Variants in TRIL observed in about 807,000 individuals in gnomAD.
TRIL encodes the protein TLR4 interactor with leucine rich repeats.
TRIL carries 23 observed loss-of-function variants against 43.0 expected under a neutral mutation model. The ratio of observed to expected loss-of-function variants is 0.54; its 90% CI spans 0.39 to 0.76. TRIL has a LOEUF of 0.76. TRIL is among the 30% of genes least tolerant of loss of function. The pLI is 0.00. For synonymous variants in TRIL, 602 were observed against 556.8 expected (o/e 1.08, Z -1.14); for missense variants, 1,114 against 1,139.3 (o/e 0.98, Z 0.32).
rs759808765 is a variant in TRIL, at chr7:28,956,837, G to C, written c.1210C>G (p.Leu404Val). 1.9e-6 allele frequency: 3 copies of C among 1,609,032 alleles called. No individual in the cohort carries two copies. The East Asian group carries it at 6.7e-5, about 36-fold the overall frequency. Reference protein sequence around the residue: ...PALRGKYLDYLDDQQLQNGSC... With the variant: ...PALRGKYLDYVDDQQLQNGSC... ...CCATTTTGCAGCTGCTGGTCATCCA[G>C]GTAATCCAGGTATTTGCCTCGCAGG... is the stretch of plus-strand genomic sequence containing the variant. The change falls in exon 1 of 1, where the codon CTG becomes GTG. Residue 404 changes from leucine to valine, a missense_variant. Physicochemically the swap from Leu to Val is conservative, Grantham distance 32. Coordinates refer to ENST00000539664, the MANE Select transcript of TRIL (RefSeq NM_014817.4).
At position 28,956,880 on chromosome 7, in the gene TRIL, C is replaced by G; in HGVS notation, c.1167G>C (p.Gln389His). 6.2e-7 allele frequency: 1 copy of G among 1,609,220 alleles called. No individual in the cohort carries two copies. The highest frequency in any genetic ancestry group is 1.1e-5 in the South Asian group (1 of 90,840). ...CTCGCAGGGCCGGGGGGTGGCGACA[C>G]TGCACGAAGACAGTGAGGAGCCGGC... ...SQGRLLTVFV[Q>H]CRHPPALRGK... is the part of the protein sequence containing the mutation. Residue 389 changes from glutamine (Q) to histidine (H), a missense_variant, in exon 1 of 1, where the codon CAG (glutamine) becomes CAC (histidine). Physicochemically the swap from Gln to His is conservative, Grantham distance 24. Transcript: ENST00000539664.
In TRIL at chr7:28,958,269, C is replaced by T. The variant is rs1783442824; in HGVS notation, c.-223G>A. 7.3e-6 allele frequency: 4 copies of T among 549,802 alleles called. No homozygotes were observed. The Admixed American group carries it at 1.2e-4, about 16-fold the overall frequency. 34.1% of individuals were successfully genotyped at this position (549,802 alleles called of 1,614,324 possible). A position where few individuals can be genotyped will look rare whatever the true frequency, so the allele number is the denominator to read the frequency against. The stretch of plus-strand genomic sequence containing the variant: ...GCGGCGCGGGGCGCTCTGCAGACCC[C>T]GGGTACTACTTGTTGCATTTCTGTA... On this transcript the variant is annotated 5_prime_UTR_variant, in exon 1 of 1. Transcript: ENST00000539664.
chr7:28,958,299 A>C lies in TRIL; in HGVS notation c.-253T>G. 2.2e-6 allele frequency: 1 copy of C among 455,880 alleles called. No individual in the cohort carries two copies. Among genetic ancestry groups the C allele is most frequent in the Non-Finnish European group, 3.9e-6 (1 of 257,280 alleles). The allele number at this position is 455,880 out of a possible 1,614,324, so 28.2% of individuals were successfully genotyped here. A position where few individuals can be genotyped will look rare whatever the true frequency, so the allele number is the denominator to read the frequency against. On this transcript the variant is annotated 5_prime_UTR_variant, in exon 1 of 1. Transcript: ENST00000539664. ...ACTACTTGTTGCATTTCTGTATAAA[A>C]CTGTTTCTCCGGGTGCGCGTCGGCG...
Position 28,955,606 on chromosome 7 carries a change from T to C in TRIL, c.*5A>G. 5 of 1,532,566 alleles carry C rather than the reference T, an allele frequency of 3.3e-6. No individual in the cohort carries two copies. The highest frequency in any genetic ancestry group is 1.4e-5 in the African/African-American group (1 of 73,070). The allele number at this position is 1,532,566 out of a possible 1,614,324, so 94.9% of individuals were successfully genotyped here. A position where few individuals can be genotyped will look rare whatever the true frequency, so the allele number is the denominator to read the frequency against. ...CCAATGAGATGGTCTCTATATGCCC[T>C]GGACCTAGTCGGCAAATCGCTGCAG... On this transcript the variant is annotated 3_prime_UTR_variant, in exon 1 of 1. Transcript: ENST00000539664.
chr7:28,956,801 C>G lies in TRIL; in HGVS notation c.1246G>C (p.Asp416His), dbSNP rs1309340422. Residue 416 changes from aspartate (D) to histidine (H), a missense_variant, in exon 1 of 1, where the codon GAT becomes CAT. By Grantham distance (81) the Asp-to-His change is moderately conservative (BLOSUM62 -1). Coordinates refer to ENST00000539664, the MANE Select transcript of TRIL (RefSeq NM_014817.4). ...DQQLQNGSCA[D>H]PSPSASLTAD... The stretch of plus-strand genomic sequence containing the variant: ...GTCAGGGAAGCTGAGGGCGAGGGAT[C>G]CGCGCAGGATCCATTTTGCAGCTGC... 2 of 1,611,690 alleles carry G rather than the reference C, an allele frequency of 1.2e-6. No individual in the cohort carries two copies. Among genetic ancestry groups the G allele is most frequent in the Admixed American group, 1.7e-5 (1 of 59,912 alleles).
Position 28,955,012 on chromosome 7 carries a change from T to C in TRIL, c.*599A>G, listed in dbSNP as rs1783374776. On this transcript the variant is annotated 3_prime_UTR_variant, in exon 1 of 1. Transcript: ENST00000539664. ...TTAAATGTCAGAGCTTTTCACATTTTTGAAAAAAAAAAATGCGTCTCTTAT... is the reference window on the plus strand; with the variant it reads ...TTAAATGTCAGAGCTTTTCACATTTCTGAAAAAAAAAAATGCGTCTCTTAT... The C allele has an allele frequency of 1.9e-5, 2 of 103,620 alleles. No individual in the cohort carries two copies. Among genetic ancestry groups the C allele is most frequent in the South Asian group, 6.8e-4 (2 of 2,952 alleles). 6.4% of individuals were successfully genotyped at this position (103,620 alleles called of 1,614,324 possible). A position where few individuals can be genotyped will look rare whatever the true frequency, so the allele number is the denominator to read the frequency against.
Position 28,957,750 on chromosome 7 carries a change from G to C in TRIL, c.297C>G (p.His99Gln). The change falls in exon 1 of 1, where the codon CAC becomes CAG. Residue 99 changes from histidine to glutamine, a missense_variant. Coordinates refer to ENST00000539664, the MANE Select transcript of TRIL (RefSeq NM_014817.4). ...GCGAGAGCTTCTCGAAGGTCTTGGG[G>C]TGCAGAGAGCGGATCTGGTTGTACT... ...DLQYNQIRSL[H>Q]PKTFEKLSRL... 1.9e-6 allele frequency: 3 copies of C among 1,613,866 alleles called. No homozygotes were observed. The highest frequency in any genetic ancestry group is 2.5e-6 in the Non-Finnish European group (3 of 1,179,808).
chr7:28,957,247 T>C lies in TRIL; in HGVS notation c.800A>G (p.His267Arg), dbSNP rs1583885956. The C allele has an allele frequency of 3.7e-6, 6 of 1,607,406 alleles. No homozygotes were observed. The Admixed American group carries it at 6.7e-5, about 18-fold the overall frequency. ...LLSLRGNQLT[H>R]LAPEAFWGLE... ...GCCCCAAAAGGCCTCAGGCGCGAGG[T>C]GCGTGAGCTGGTTGCCCCTGAGCGA... is the stretch of plus-strand genomic sequence containing the variant. The change falls in exon 1 of 1, where the codon CAC (histidine) becomes CGC (arginine). Residue 267 changes from histidine (H) to arginine (R), a missense_variant. Transcript: ENST00000539664.
chr7:28,957,623 C>T lies in TRIL; in HGVS notation c.424G>A (p.Glu142Lys), dbSNP rs746364113. The stretch of plus-strand genomic sequence containing the variant: ...GAGCCGCGGCTTAGGCGGCTGATCT[C>T]GTTCCCGTTGGCGTAGAGGATGCGC... ...KLRILYANGNEISRLSRGSFE... is the reference protein window; with the variant it reads ...KLRILYANGNKISRLSRGSFE... Residue 142 changes from glutamate (E) to lysine (K), a missense_variant, in exon 1 of 1, where the codon GAG becomes AAG. Glu to Lys is a moderately conservative substitution (Grantham distance 56). Transcript: ENST00000539664. 1 of 1,611,102 alleles carries T rather than the reference C, an allele frequency of 6.2e-7. No individual in the cohort carries two copies. Among genetic ancestry groups the T allele is most frequent in the Admixed American group, 1.7e-5 (1 of 59,566 alleles).
chr7:28,956,516 G>T lies in TRIL; in HGVS notation c.1531C>A (p.Leu511Met). 1 of 1,574,550 alleles carries T rather than the reference G, an allele frequency of 6.4e-7. No homozygotes were observed. The highest frequency in any genetic ancestry group is 8.6e-7 in the Non-Finnish European group (1 of 1,167,804). The change falls in exon 1 of 1, where the codon CTG (leucine) becomes ATG (methionine). Residue 511 changes from leucine (L) to methionine (M), a missense_variant. Physicochemically the swap from Leu to Met is conservative, Grantham distance 15. Coordinates refer to ENST00000539664, the MANE Select transcript of TRIL (RefSeq NM_014817.4). ...AAGPAPQSLD[L>M]HKKPQRGRPT... ...CGGCCCCGCTGGGGCTTCTTGTGCAGGTCTAGGGACTGTGGAGCCGGGCCC... is the reference window on the plus strand; with the variant it reads ...CGGCCCCGCTGGGGCTTCTTGTGCATGTCTAGGGACTGTGGAGCCGGGCCC...
Position 28,957,531 on chromosome 7 carries a change from G to A in TRIL, c.516C>T (p.Asp172=), listed in dbSNP as rs771391355. 1 of 1,612,974 alleles carries A rather than the reference G, an allele frequency of 6.2e-7. No individual in the cohort carries two copies. Among genetic ancestry groups the A allele is most frequent in the East Asian group, 2.2e-5 (1 of 44,862 alleles). Residue 172 remains aspartate (D), a synonymous_variant, in exon 1 of 1, where the codon GAC becomes GAT. Transcript: ENST00000539664. The part of the protein sequence containing the change: ...LDGNALGALP[D]AVFAPLGNLL... ...GGTTGCCCAAGGGAGCGAAGACCGC[G>A]TCCGGCAGCGCCCCCAGGGCGTTCC...
rs568740992 is a variant in TRIL, at chr7:28,954,126, C to T, written c.*1485G>A. ...ACAGTGTACATTCTCTTAGTGACTG[C>T]ATTTTTAGACCACACATAAAATTAT... On this transcript the variant is annotated 3_prime_UTR_variant, in exon 1 of 1. Coordinates refer to ENST00000539664, the MANE Select transcript of TRIL (RefSeq NM_014817.4). 2 of 152,686 alleles carry T rather than the reference C, an allele frequency of 1.3e-5. No individual in the cohort carries two copies. Among genetic ancestry groups the T allele is most frequent in the African/African-American group, 4.8e-5 (2 of 41,560 alleles). The allele number at this position is 152,686 out of a possible 1,614,324, so 9.5% of individuals were successfully genotyped here. A position where few individuals can be genotyped will look rare whatever the true frequency, so the allele number is the denominator to read the frequency against.
In TRIL at chr7:28,956,055, C is replaced by T; in HGVS notation, c.1992G>A (p.Val664=). ...DTPYLVCVEG[V]LGGRVCPVAP... The stretch of plus-strand genomic sequence containing the variant: ...CCACAGGGCAGACACGGCCCCCAAG[C>T]ACGCCCTCCACGCACACCAGGTAGG... Residue 664 remains valine, a synonymous_variant, in exon 1 of 1, where the codon GTG becomes GTA. Transcript: ENST00000539664. 1 of 1,549,946 alleles carries T rather than the reference C, an allele frequency of 6.5e-7. No homozygotes were observed.
rs538009689 is a variant in TRIL, at chr7:28,955,858, C to T, written c.2189G>A (p.Arg730Gln). 1.2e-4 allele frequency: 179 copies of T among 1,549,862 alleles called. No homozygotes were observed. Among genetic ancestry groups the T allele is most frequent in the Admixed American group, 1.6e-4 (8 of 51,010 alleles). ...RWLRRKLRARRKGGAPVHVRH... is the reference protein window; with the variant it reads ...RWLRRKLRARQKGGAPVHVRH... ...AACGTGGACCGGGGCCCCGCCCTTCCGCCTAGCCCGCAGTTTCCTACGCAG... is the reference window on the plus strand; with the variant it reads ...AACGTGGACCGGGGCCCCGCCCTTCTGCCTAGCCCGCAGTTTCCTACGCAG... The change falls in exon 1 of 1, where the codon CGG becomes CAG. Residue 730 changes from arginine (R) to glutamine (Q), a missense_variant. Arg to Gln is a conservative substitution (Grantham distance 43). Coordinates refer to ENST00000539664, the MANE Select transcript of TRIL (RefSeq NM_014817.4).
rs567694141 is a variant in TRIL, at chr7:28,958,057, C to G, written c.-11G>C. On this transcript the variant is annotated 5_prime_UTR_variant, in exon 1 of 1. Transcript: ENST00000539664. ...GCGGGCAGCCTCCATCGCCTCCCGC[C>G]CTGCGTGCAGCGGCCGGATCGTCCT... 4.3e-5 allele frequency: 64 copies of G among 1,492,728 alleles called. No homozygotes were observed. The South Asian group carries it at 8.4e-4, about 20-fold the overall frequency. 92.5% of individuals were successfully genotyped at this position (1,492,728 alleles called of 1,614,324 possible). A position where few individuals can be genotyped will look rare whatever the true frequency, so the allele number is the denominator to read the frequency against.
chr7:28,957,663 G>A lies in TRIL; in HGVS notation c.384C>T (p.Ala128=). The A allele has an allele frequency of 6.2e-7, 1 of 1,609,634 alleles. No homozygotes were observed. The highest frequency in any genetic ancestry group is 1.1e-5 in the South Asian group (1 of 90,498). The part of the protein sequence containing the change: ...LLQALAPGTL[A]PLRKLRILYA... The stretch of plus-strand genomic sequence containing the variant: ...AGAGGATGCGCAGCTTGCGCAGCGG[G>A]GCCAGCGTGCCCGGGGCGAGCGCCT... The change falls in exon 1 of 1, where the codon GCC becomes GCT. Residue 128 remains alanine, a synonymous_variant. Coordinates refer to ENST00000539664, the MANE Select transcript of TRIL (RefSeq NM_014817.4).
In TRIL at chr7:28,956,380, C is replaced by T; in HGVS notation, c.1667G>A (p.Gly556Asp). Reference sequence around the variant, plus strand: ...GGCGGCACGCTCCTGGTGCTCCGTGCCCAGACGATGCTTCGTCGCGCGCTG... The same window carrying T: ...GGCGGCACGCTCCTGGTGCTCCGTGTCCAGACGATGCTTCGTCGCGCGCTG... ...PWQRATKHRL[G>D]TEHQERAAQS... The change falls in exon 1 of 1, where the codon GGC becomes GAC. Residue 556 changes from glycine to aspartate, a missense_variant. Transcript: ENST00000539664. 6.5e-7 allele frequency: 1 copy of T among 1,534,846 alleles called. No homozygotes were observed. The highest frequency in any genetic ancestry group is 8.7e-7 in the Non-Finnish European group (1 of 1,146,564).
rs149399268 is a variant in TRIL, at chr7:28,955,170, G to C, written c.*441C>G. 1.2e-4 allele frequency: 19 copies of C among 165,156 alleles called. No individual in the cohort carries two copies. The East Asian group carries it at 3.0e-3, about 26-fold the overall frequency. 10.2% of individuals were successfully genotyped at this position (165,156 alleles called of 1,614,324 possible). On this transcript the variant is annotated 3_prime_UTR_variant, in exon 1 of 1. Transcript: ENST00000539664. ...CCAAACCAGTGGAGTCCCTGGCCAA[G>C]CCTCCTTTGTAATGGTAATAAGTTC...
chr7:28,956,557 G>T lies in TRIL; in HGVS notation c.1490C>A (p.Ser497Tyr). The T allele has an allele frequency of 2.6e-6, 4 of 1,555,124 alleles. No homozygotes were observed. The highest frequency in any genetic ancestry group is 3.5e-6 in the Non-Finnish European group (4 of 1,158,928). The change falls in exon 1 of 1, where the codon TCC becomes TAC. Residue 497 changes from serine (S) to tyrosine (Y), a missense_variant. Physicochemically the swap from Ser to Tyr is moderately radical, Grantham distance 144. Transcript: ENST00000539664. ...RGPGLQQPSP[S>Y]VAAAAGPAPQ... is the part of the protein sequence containing the mutation. ...AGCCGGGCCCGCGGCGGCAGCGACGGAGGGGCTGGGCTGCTGGAGGCCCGG... is the reference window on the plus strand; with the variant it reads ...AGCCGGGCCCGCGGCGGCAGCGACGTAGGGGCTGGGCTGCTGGAGGCCCGG...
Sources: gnomAD v4.1 joint callset for allele counts on GRCh38, gnomAD v4.1.1 for gene constraint, MANE v1.5 for transcripts, NCBI Gene and HGNC (gene_info 2026-07-23, HGNC 2026-07-21) for gene names.